KLF12: variants seen among roughly 807,000 people sequenced by gnomAD.
KLF12 encodes the protein KLF transcription factor 12.
KLF12 carries 9 observed loss-of-function variants against 37.8 expected under a neutral mutation model. The observed-to-expected ratio is 0.24, with a 90% CI of 0.14 to 0.42. KLF12 has a LOEUF of 0.42. Among genes scored for constraint, KLF12 ranks in the 10% least tolerant of loss-of-function variants. The pLI is 1.00. For synonymous variants in KLF12, 208 were observed against 202.1 expected, an observed-to-expected ratio of 1.03 and a Z score of -0.25; for missense variants, 411 against 516.0, an observed-to-expected ratio of 0.80 and a Z score of 1.97.
intron 3 of KLF12, among the ~76,000 whole-genome samples, chr13:73,939,512 A>G (rs1890095124): frequency 6.6e-6 from 1 of 152,216 alleles, no homozygotes; most frequent in Non-Finnish European, 1.5e-5. Flanking sequence ...AATTAAAAAA[A>G]GAGTTCTAAT....
intron 1 of KLF12, among the ~76,000 whole-genome samples, chr13:74,077,544 G>A (rs1209317570): frequency 2.0e-5 from 3 of 152,128 alleles, no homozygotes; most frequent in Non-Finnish European, 4.4e-5. Flanking sequence ...CGAAAATGAA[G>A]CAGGCCTAAG....
intron 1 of KLF12, among the ~76,000 whole-genome samples, chr13:74,050,272 C>T (rs1192675522): frequency 3.3e-5 from 5 of 152,158 alleles, no homozygotes; most frequent in Non-Finnish European, 7.3e-5. Flanking sequence ...TATTTCCAAT[C>T]TTCAGTTATA....
chr13:74,093,007 A>C (rs1875769062), intron 1 of KLF12, among the ~76,000 whole-genome samples: 1 of 152,230 alleles, frequency 6.6e-6, no homozygotes, highest in African/African-American at 2.4e-5. Context: ...ACTTGAGGGG[A>C]ACCAGGTGGA....
At chr13:73,789,373 T>C (rs139183245) in intron 5 of KLF12, among the ~76,000 whole-genome samples, 1 of 152,300 alleles carries the variant, frequency 6.6e-6, no homozygotes, top group African/African-American at 2.4e-5. Flanking sequence ...TTGGGACTTG[T>C]TGGGTGTCAC....
chr13:73,997,457 T>A (rs894924690), intron 1 of KLF12, among the ~76,000 whole-genome samples: 10 of 152,192 alleles, frequency 6.6e-5, no homozygotes, highest in Admixed American at 2.0e-4. Flanking sequence ...AGCCTAGATA[T>A]CGAATAGGAA....
chr13:73,928,236 C>G (rs1332560745), intron 3 of KLF12, among the ~76,000 whole-genome samples: 2 of 152,232 alleles, frequency 1.3e-5, no homozygotes, highest in Non-Finnish European at 2.9e-5. Flanking sequence ...AAACTATATA[C>G]AGGCACTTGA....
chr13:74,054,821 T>A (rs1370333240), intron 1 of KLF12, among the ~76,000 whole-genome samples: 1 of 152,226 alleles, frequency 6.6e-6, no homozygotes. Flanking sequence ...ATGTCTACGA[T>A]CTTAAGAAAA....
At chr13:74,051,627 T>C (rs373803605) in intron 1 of KLF12, among the ~76,000 whole-genome samples, 49 of 151,466 alleles carry the variant, frequency 3.2e-4, no homozygotes, top group African/African-American at 1.1e-3. Flanking sequence ...CATCAGATGA[T>C]CAAACATACC....
intron 3 of KLF12, among the ~76,000 whole-genome samples, chr13:73,869,951 C>T (rs1246780013): frequency 6.6e-6 from 1 of 152,182 alleles, no homozygotes; most frequent in African/African-American, 2.4e-5. Context: ...TCCTTCTCGA[C>T]ATGGTTTTCA....
chr13:74,061,975 T>C (rs1873619299), intron 1 of KLF12, among the ~76,000 whole-genome samples: 1 of 152,186 alleles, frequency 6.6e-6, no homozygotes, highest in Admixed American at 6.5e-5. Flanking sequence ...CATACTTTGG[T>C]GGGGTTTTTT....
chr13:73,951,899 G>A (rs182675767), intron 2 of KLF12, among the ~76,000 whole-genome samples: 3 of 152,198 alleles, frequency 2.0e-5, no homozygotes, highest in South Asian at 2.1e-4. Flanking sequence ...CTTTTTGTTC[G>A]TAACAGTACT....
chr13:74,025,039 A>G (rs1395318927), intron 1 of KLF12, among the ~76,000 whole-genome samples: 1 of 152,230 alleles, frequency 6.6e-6, no homozygotes, highest in South Asian at 2.1e-4. Flanking sequence ...AGGTACTTTG[A>G]TCTCTCACAG....
chr13:73,946,822 C>T (rs189726099), intron 2 of KLF12, among the ~76,000 whole-genome samples: 1 of 152,178 alleles, frequency 6.6e-6, no homozygotes, highest in Admixed American at 6.5e-5. Flanking sequence ...ACGGATCTAA[C>T]CTCAATCCTC....
chr13:73,787,845 C>T (rs1881450379), intron 5 of KLF12, among the ~76,000 whole-genome samples: 1 of 151,840 alleles, frequency 6.6e-6, no homozygotes, highest in African/African-American at 2.4e-5. Flanking sequence ...ATTACAAGAG[C>T]CATCATGACT....
intron 1 of KLF12, among the ~76,000 whole-genome samples, chr13:74,000,227 G>A (rs1211191983): frequency 6.6e-6 from 1 of 152,142 alleles, no homozygotes; most frequent in Admixed American, 6.5e-5. Context: ...ACTAGGAAAA[G>A]CTATGTCCGA....
intron 7 of KLF12, among the ~76,000 whole-genome samples, chr13:73,710,230 A>ATT (rs1875266298): frequency 6.6e-6 from 1 of 152,204 alleles, no homozygotes; most frequent in Admixed American, 6.6e-5. Context: ...TTATAGGTAC[A>ATT]AGGGATAGAC....
At chr13:73,772,167 A>G (rs535832960) in intron 5 of KLF12, among the ~76,000 whole-genome samples, 1 of 152,344 alleles carries the variant, frequency 6.6e-6, no homozygotes, top group East Asian at 1.9e-4. Context: ...TCTTTTACTT[A>G]ACCAACATTT....
intron 3 of KLF12, among the ~76,000 whole-genome samples, chr13:73,866,751 C>T (rs928592686): frequency 1.3e-5 from 2 of 150,840 alleles, no homozygotes. Flanking sequence ...TATGGAAATA[C>T]AAGAAAGAAA....
chr13:74,010,966 A>AT, intron 1 of KLF12, among the ~76,000 whole-genome samples: 1 of 152,310 alleles, frequency 6.6e-6, no homozygotes. Context: ...ACTTATGTAG[A>AT]TTTTTTGGCT....
Sources: allele counts gnomAD v4.1 joint callset (sites outside exome capture counted in the v4.1 genomes callset), GRCh38; gene constraint gnomAD v4.1.1; transcripts MANE v1.5; gene names NCBI Gene and HGNC (gene_info 2026-07-23, HGNC 2026-07-21).